SV2C: variants seen among roughly 807,000 people sequenced by gnomAD.
The protein encoded by SV2C is solute carrier family 22 member B3.
In SV2C, 49 loss-of-function variants were observed where a neutral mutation model predicts 79.7. The ratio of observed to expected loss-of-function variants is 0.61; its 90% CI spans 0.49 to 0.78. The LOEUF is 0.78. Among genes scored for constraint, SV2C ranks in the 30% least tolerant of loss-of-function variants. The pLI is 0.00. For missense variants in SV2C, 833 were observed against 912.9 expected (o/e 0.91, Z 1.13); for synonymous variants, 334 against 333.2 (o/e 1.00, Z -0.03).
intron 2 of SV2C, among the ~76,000 whole-genome samples, chr5:76,135,302 A>G (rs1749029193): frequency 6.6e-6 from 1 of 152,232 alleles, no homozygotes; most frequent in African/African-American, 2.4e-5. Context: ...GAGGAGTGCC[A>G]ATGGGCTATT....
intron 4 of SV2C, among the ~76,000 whole-genome samples, chr5:76,243,050 A>AAAAG (rs1324316619): frequency 6.6e-6 from 1 of 150,774 alleles, no homozygotes; most frequent in African/African-American, 2.4e-5. Flanking sequence ...AGACAAAAAG[A>AAAAG]AAAGAAAGAA....
intron 10 of SV2C, 56 bp from the exon 11 acceptor site, chr5:76,300,673 T>TG (rs1747959275): frequency 5.1e-6 from 8 of 1,555,022 alleles, no homozygotes; most frequent in Non-Finnish European, 7.1e-6. Flanking sequence ...GGCTTTCTTA[T>TG]ACTGGTGCAT....
chr5:75,848,578 GCCATTAGAAAAT>G, the SV2C span, among the ~76,000 whole-genome samples: 7 of 152,264 alleles, frequency 4.6e-5, no homozygotes, highest in South Asian at 1.5e-3. Context: ...TAAGTTGTCT[GCCATTAGAAAAT>G]CCACAGAAAC....
chr5:76,149,350 T>C (rs1749530704), intron 2 of SV2C, among the ~76,000 whole-genome samples: 1 of 152,104 alleles, frequency 6.6e-6, no homozygotes, highest in Non-Finnish European at 1.5e-5. Context: ...CAGATGCAGG[T>C]CACCTGAGGT....
intron 2 of SV2C, among the ~76,000 whole-genome samples, chr5:76,174,486 C>T (rs1743460741): frequency 6.6e-6 from 1 of 152,178 alleles, no homozygotes; most frequent in Non-Finnish European, 1.5e-5. Flanking sequence ...TCTGATGGAA[C>T]AAGAAAGAGA....
chr5:75,859,483 A>C, the SV2C span, among the ~76,000 whole-genome samples: 4 of 152,192 alleles, frequency 2.6e-5, no homozygotes, highest in Non-Finnish European at 5.9e-5. Context: ...AATAGAAACC[A>C]AATAGGAAAA....
intron 2 of SV2C, among the ~76,000 whole-genome samples, chr5:76,191,891 T>C (rs917781377): frequency 1.3e-5 from 2 of 152,068 alleles, no homozygotes; most frequent in African/African-American, 4.8e-5. Flanking sequence ...GACACAAGAG[T>C]CACAGCCTGG....
chr5:76,071,566 G>C, the SV2C span, among the ~76,000 whole-genome samples: 1 of 152,170 alleles, frequency 6.6e-6, no homozygotes, highest in Non-Finnish European at 1.5e-5. Context: ...TATTAATACC[G>C]AATGTTTCCA....
the SV2C span, among the ~76,000 whole-genome samples, chr5:75,916,775 C>T: frequency 6.6e-6 from 1 of 151,766 alleles, no homozygotes; most frequent in South Asian, 2.1e-4. Flanking sequence ...ATGCCCAGTC[C>T]TCATCATCTT....
Position 76,131,827 on chromosome 5 carries a change from C to T in SV2C, c.77C>T (p.Thr26Ile). ...KDIAREVKKQ[T>I]VKKVNQAVDR... is the part of the protein sequence containing the mutation. ...ATTGCCAGAGAGGTGAAGAAACAAA[C>T]AGTAAAGAAGGTGAATCAAGCTGTG... The change falls in exon 2 of 13, where the codon ACA becomes ATA. Residue 26 changes from threonine (T) to isoleucine (I), a missense_variant. By Grantham distance (89) the Thr-to-Ile change is moderately conservative. Transcript: ENST00000502798. 6.2e-7 allele frequency: 1 copy of T among 1,614,016 alleles called. No individual in the cohort carries two copies. Among genetic ancestry groups the T allele is most frequent in the African/African-American group, 1.3e-5 (1 of 75,008 alleles).
At chr5:76,247,988 G>A (rs1745995675) in intron 4 of SV2C, among the ~76,000 whole-genome samples, 1 of 152,204 alleles carries the variant, frequency 6.6e-6, no homozygotes, top group Admixed American at 6.5e-5. Context: ...AGGCCGTAAT[G>A]AAGGAAAGAA....
the SV2C span, among the ~76,000 whole-genome samples, chr5:75,886,225 C>G: frequency 6.6e-6 from 1 of 152,154 alleles, no homozygotes; most frequent in Non-Finnish European, 1.5e-5. Context: ...AAGACAGCCT[C>G]TAATTTCCTT....
At chr5:76,158,879 C>A (rs1292590211) in intron 2 of SV2C, among the ~76,000 whole-genome samples, 3 of 151,898 alleles carry the variant, frequency 2.0e-5, no homozygotes, top group Non-Finnish European at 4.4e-5. Flanking sequence ...TTTTATTATG[C>A]ATGGAAAAAA....
chr5:75,947,000 A>G, the SV2C span, among the ~76,000 whole-genome samples: 24 of 152,116 alleles, frequency 1.6e-4, no homozygotes, highest in African/African-American at 5.3e-4. Flanking sequence ...AGAGAGTCTG[A>G]TTGGCTGAGT....
At chr5:76,066,112 G>T in the SV2C span, among the ~76,000 whole-genome samples, 1 of 151,970 alleles carries the variant, frequency 6.6e-6, no homozygotes, top group Non-Finnish European at 1.5e-5. Context: ...ATACCCAAAG[G>T]ATTATAAATC....
intron 4 of SV2C, among the ~76,000 whole-genome samples, chr5:76,217,060 G>A (rs1290319264): frequency 6.6e-6 from 1 of 152,142 alleles, no homozygotes; most frequent in Non-Finnish European, 1.5e-5. Context: ...GTTTTAGCCC[G>A]AAAGGCCACA....
At chr5:75,880,957 G>A in the SV2C span, among the ~76,000 whole-genome samples, 1 of 151,806 alleles carries the variant, frequency 6.6e-6, no homozygotes, top group Non-Finnish European at 1.5e-5. Flanking sequence ...AAGATCTCAG[G>A]AAGCTTAAAT....
chr5:76,207,164 G>GC lies in SV2C; in HGVS notation c.762-2571dup, dbSNP rs979401022. 1.9e-4 allele frequency among the ~76,000 whole-genome samples: 22 copies of GC among 116,854 alleles called. No individual in the cohort carries two copies. In the South Asian group the frequency reaches 1.9e-3, roughly 10 times the overall value. 76.7% of individuals were successfully genotyped at this position (116,854 alleles called of 152,430 possible). The stretch of plus-strand genomic sequence containing the variant: ...TTCCACTTGAAATTATAGCCACACT[G>GC]CAAAAAAAAAAAAGAAAGAAAGAAA... On this transcript the variant is annotated intron_variant, in intron 3 of 12. Coordinates refer to ENST00000502798, the MANE Select transcript of SV2C (RefSeq NM_014979.4).
chr5:75,919,327 C>T, the SV2C span, among the ~76,000 whole-genome samples: 24 of 152,152 alleles, frequency 1.6e-4, no homozygotes, highest in African/African-American at 5.6e-4. Context: ...TGTTTTTCTT[C>T]TCTGGACAGT....
Sources: gnomAD v4.1 joint callset for allele counts (sites outside exome capture counted in the v4.1 genomes callset) on GRCh38, gnomAD v4.1.1 for gene constraint, MANE v1.5 for transcripts, NCBI Gene and HGNC (gene_info 2026-07-23, HGNC 2026-07-21) for gene names.